The following BICD1 variants were observed in gnomAD, a reference collection of about 807,000 sequenced individuals.
BICD1 encodes protein bicaudal D homolog 1.
Under a neutral mutation model 92.5 loss-of-function variants are expected in BICD1, and 35 were observed. The ratio of observed to expected loss-of-function variants is 0.38; its 90% confidence interval spans 0.29 to 0.50. BICD1 has a LOEUF of 0.50. Among genes scored for constraint, BICD1 ranks in the 20% least tolerant of loss-of-function variants. The probability of loss-of-function intolerance (pLI) is 0.93; values close to 1 mark genes in which losing one functional copy is unlikely to be tolerated. For missense variants in BICD1, 950 were observed against 1,189.8 expected (o/e 0.80, Z 2.97); for synonymous variants, 429 against 465.1 (o/e 0.92, Z 1.00).
chr12:32,147,104 C>A (rs1475664225), intron 1 of BICD1, among the ~76,000 whole-genome samples: 1 of 151,948 alleles, frequency 6.6e-6, no homozygotes, highest in Admixed American at 6.6e-5. Flanking sequence ...CCATGCCCAG[C>A]TAATGTTTTA....
chr12:32,148,225 A>G (rs553826156), intron 1 of BICD1, among the ~76,000 whole-genome samples: 1 of 151,444 alleles, frequency 6.6e-6, no homozygotes, highest in Non-Finnish European at 1.5e-5. Context: ...CTGGCTCTGT[A>G]GTGGTCATTT....
chr12:32,247,057 G>A (rs900763977), intron 2 of BICD1, among the ~76,000 whole-genome samples: 9 of 151,952 alleles, frequency 5.9e-5, no homozygotes, highest in Admixed American at 1.3e-4. Flanking sequence ...AGGAGTTTGA[G>A]ACCAGCCTGG....
chr12:32,157,587 C>G (rs1329262299), intron 1 of BICD1, among the ~76,000 whole-genome samples: 1 of 152,124 alleles, frequency 6.6e-6, no homozygotes, highest in Non-Finnish European at 1.5e-5. Context: ...TGGAAGCTAC[C>G]AAGATTCCTG....
At chr12:32,146,753 G>A (rs151337136) in intron 1 of BICD1, among the ~76,000 whole-genome samples, 9 of 151,982 alleles carry the variant, frequency 5.9e-5, no homozygotes, top group African/African-American at 1.7e-4. Flanking sequence ...GGAAACCAGC[G>A]TGGAAGCTTT....
intron 8 of BICD1, among the ~76,000 whole-genome samples, chr12:32,361,280 G>C (rs1485240743): frequency 6.6e-6 from 1 of 152,182 alleles, no homozygotes; most frequent in Non-Finnish European, 1.5e-5. Context: ...ATGGGGTTGG[G>C]CCTGATGGCT....
At chr12:32,177,605 T>TG (rs1223923382) in intron 1 of BICD1, among the ~76,000 whole-genome samples, 1 of 149,896 alleles carries the variant, frequency 6.7e-6, no homozygotes, top group African/African-American at 2.5e-5. Context: ...GTTTCGTGGC[T>TG]GGAGTGGCGG....
At chr12:32,113,779 A>C (rs1941787490) in intron 1 of BICD1, among the ~76,000 whole-genome samples, 1 of 147,092 alleles carries the variant, frequency 6.8e-6, no homozygotes. Context: ...GTCTGATCTC[A>C]GCTCACTGCA....
chr12:32,108,750 C>A, intron 1 of BICD1: 1 of 633,514 alleles, frequency 1.6e-6, no homozygotes. Context: ...TATTTGGATG[C>A]CTGTCTACCA....
At chr12:32,349,666 A>G (rs889292754) in intron 8 of BICD1, among the ~76,000 whole-genome samples, 7 of 149,296 alleles carry the variant, frequency 4.7e-5, no homozygotes, top group African/African-American at 1.7e-4. Flanking sequence ...ATACTATACC[A>G]TATAGTATAG....
intron 1 of BICD1, among the ~76,000 whole-genome samples, chr12:32,206,464 G>A (rs1039269353): frequency 1.3e-5 from 2 of 152,104 alleles, no homozygotes; most frequent in Non-Finnish European, 2.9e-5. Context: ...AAATTAGCTG[G>A]GTGTGGTGGT....
intron 2 of BICD1, among the ~76,000 whole-genome samples, chr12:32,244,095 A>T (rs900889047): frequency 7.2e-6 from 1 of 138,452 alleles, no homozygotes; most frequent in African/African-American, 3.5e-5. Context: ...TTTCAAAATT[A>T]AAATCATTGT....
At chr12:32,288,223 ATTTTT>A (rs34913740) in intron 2 of BICD1, among the ~76,000 whole-genome samples, 5 of 109,508 alleles carry the variant, frequency 4.6e-5, no homozygotes, top group South Asian at 2.8e-4. Flanking sequence ...CCAAGTCCTA[ATTTTT>A]TTTTTTTTTT....
At chr12:32,358,210 C>T (rs1346976879) in intron 8 of BICD1, among the ~76,000 whole-genome samples, 1 of 151,972 alleles carries the variant, frequency 6.6e-6, no homozygotes, top group Admixed American at 6.5e-5. Context: ...CAAGAGTTCT[C>T]ATGGCTCAGC....
intron 1 of BICD1, among the ~76,000 whole-genome samples, chr12:32,134,848 C>T (rs778635027): frequency 6.6e-6 from 1 of 152,114 alleles, no homozygotes; most frequent in African/African-American, 2.4e-5. Context: ...GCTGATATCC[C>T]GTGGCCACAG....
intron 2 of BICD1, among the ~76,000 whole-genome samples, chr12:32,235,936 C>T (rs879681097): frequency 1.0e-4 from 15 of 146,290 alleles, no homozygotes; most frequent in African/African-American, 1.3e-4. Flanking sequence ...CTCTTGACCT[C>T]GTGATCTGCC....
intron 2 of BICD1, among the ~76,000 whole-genome samples, chr12:32,275,960 C>T (rs1412611793): frequency 6.6e-6 from 1 of 152,080 alleles, no homozygotes; most frequent in African/African-American, 2.4e-5. Flanking sequence ...TCAGAGAACA[C>T]GAGGCTTGCC....
intron 1 of BICD1, among the ~76,000 whole-genome samples, chr12:32,172,407 A>C (rs1301031712): frequency 6.6e-6 from 1 of 152,230 alleles, no homozygotes; most frequent in Admixed American, 6.5e-5. Flanking sequence ...TCACACTTGA[A>C]TCTCTGATCT....
intron 2 of BICD1, among the ~76,000 whole-genome samples, chr12:32,240,588 C>A (rs1302097697): frequency 6.6e-6 from 1 of 152,182 alleles, no homozygotes; most frequent in South Asian, 2.1e-4. Flanking sequence ...CTTGCTAATT[C>A]CGGATAATCT....
chr12:32,253,065 TAG>T (rs1352374618), intron 2 of BICD1, among the ~76,000 whole-genome samples: 1 of 152,036 alleles, frequency 6.6e-6, no homozygotes, highest in African/African-American at 2.4e-5. Flanking sequence ...GCATTTTTTG[TAG>T]AGACTGGGTT....
Sources: gnomAD v4.1 joint callset for allele counts (sites outside exome capture counted in the v4.1 genomes callset) on GRCh38, gnomAD v4.1.1 for gene constraint, MANE v1.5 for transcripts, NCBI Gene and HGNC (gene_info 2026-07-23, HGNC 2026-07-21) for gene names.